SYNC: variants seen among roughly 807,000 people sequenced by gnomAD.
SYNC encodes syncoilin.
SYNC carries 38 observed loss-of-function variants against 49.5 expected under a neutral mutation model. That is an observed-to-expected ratio of 0.77 (90% confidence interval 0.59 to 1.01). SYNC has a LOEUF of 1.01. Among genes scored for constraint, SYNC ranks in the 50% least tolerant of loss-of-function variants. The pLI is 0.00. For missense variants in SYNC, 579 were observed against 580.6 expected, an observed-to-expected ratio of 1.00 and a Z score of 0.03; for synonymous variants, 201 against 230.8, an observed-to-expected ratio of 0.87 and a Z score of 1.17.
chr1:32,690,972 A>T (rs1401072634), intron 2 of SYNC, among the ~76,000 whole-genome samples: 2 of 152,072 alleles, frequency 1.3e-5, no homozygotes, highest in African/African-American at 4.8e-5. Context: ...TAATCCCAGT[A>T]CTTTGGGAGG....
Position 32,684,255 on chromosome 1 carries a change from G to A in SYNC, c.1358+3C>T, listed in dbSNP as rs1241512503. 1 of 1,614,124 alleles carries A rather than the reference G, an allele frequency of 6.2e-7. No homozygotes were observed. Among genetic ancestry groups the A allele is most frequent in the Non-Finnish European group, 8.5e-7 (1 of 1,180,032 alleles). On this transcript the variant is annotated splice_donor_region_variant and intron_variant, in intron 3 of 4. Coordinates refer to ENST00000409190, the MANE Select transcript of SYNC (RefSeq NM_030786.3). ...TGAGATTTGTATAGCAGCAGAAACT[G>A]ACTTATAAGTAGAGAGCTCTTCAGC...
rs1201324283 is a variant in SYNC at position 32,702,680 on chromosome 1, G to A, written c.-20C>T. ...GGCCATGGCTGCGCGACCCCGGGCTGGCGGCCGCGTTATTAATAGCCGGGC... is the reference window on the plus strand; with the variant it reads ...GGCCATGGCTGCGCGACCCCGGGCTAGCGGCCGCGTTATTAATAGCCGGGC... On this transcript the variant is annotated 5_prime_UTR_variant, in exon 1 of 5. Coordinates refer to ENST00000409190, the MANE Select transcript of SYNC (RefSeq NM_030786.3). This position sits in a 1 kb window ranked among gnomAD's most constrained non-coding sequence, Gnocchi z 6.2. 2 of 1,171,452 alleles carry A rather than the reference G, an allele frequency of 1.7e-6. No homozygotes were observed. Among genetic ancestry groups the A allele is most frequent in the Non-Finnish European group, 2.1e-6 (2 of 949,516 alleles). 72.6% of individuals were successfully genotyped at this position (1,171,452 alleles called of 1,614,324 possible).
chr1:32,698,871 C>T (rs1287544661), intron 1 of SYNC, among the ~76,000 whole-genome samples: 1 of 151,580 alleles, frequency 6.6e-6, no homozygotes, highest in Non-Finnish European at 1.5e-5. Flanking sequence ...GCCTCAACCT[C>T]CCCGGCTCAA....
intron 2 of SYNC, among the ~76,000 whole-genome samples, chr1:32,689,179 G>A (rs1389719296): frequency 7.3e-6 from 1 of 137,484 alleles, no homozygotes; most frequent in African/African-American, 2.8e-5. Context: ...GACGTGATCC[G>A]CCCGCCTCGG....
rs148358410 is a variant in SYNC at position 32,702,098 on chromosome 1, C to G, written c.53+510G>C. Among the ~76,000 whole-genome samples, 833 of 152,288 alleles carry G rather than the reference C, an allele frequency of 5.5e-3. 5 individuals are homozygous for G. The highest frequency in any genetic ancestry group is 0.027 in the Middle Eastern group (8 of 294). Reference sequence around the variant, plus strand: ...CCCCCAATAATCAGCCGTGCCCTGCCAGGAGGGATAGTGGGGAGGGCCCCT... The same window carrying G: ...CCCCCAATAATCAGCCGTGCCCTGCGAGGAGGGATAGTGGGGAGGGCCCCT... On this transcript the variant is annotated intron_variant, in intron 1 of 4. Transcript: ENST00000409190. The surrounding 1 kb of genome is among the most constrained non-coding windows in gnomAD (Gnocchi z 6.2).
At chr1:32,688,636 G>T (rs547297911) in intron 2 of SYNC, among the ~76,000 whole-genome samples, 1 of 152,000 alleles carries the variant, frequency 6.6e-6, no homozygotes, top group African/African-American at 2.4e-5. Context: ...AGTCTTTGTC[G>T]CCCAGGCTGG....
rs771171693 is a variant in SYNC at position 32,683,983 on chromosome 1, C to T, written c.1438+27G>A. The T allele has an allele frequency of 8.7e-6, 14 of 1,606,032 alleles. No homozygotes were observed. In the African/African-American group the frequency reaches 1.3e-4, roughly 15 times the overall value. On this transcript the variant is annotated intron_variant, in intron 4 of 4. Coordinates refer to ENST00000409190, the MANE Select transcript of SYNC (RefSeq NM_030786.3). ...GTTAGGAAAGCAGTAACAATGCAAA[C>T]ACCACTCTTCTCTTCACAAAGATCA...
At chr1:32,687,864 T>TTATTATTATTA (rs1557871719) in intron 2 of SYNC, among the ~76,000 whole-genome samples, 123 of 3,758 alleles carry the variant, frequency 0.033, 1 homozygote, top group African/African-American at 0.044. Context: ...TATTATTATT[T>TTATTATTATTA]TTTGAGATGG....
At position 32,702,765 on chromosome 1, in the gene SYNC, G is replaced by T; in HGVS notation, c.-105C>A. 1.0e-6 allele frequency: 1 copy of T among 973,714 alleles called. No homozygotes were observed. Among genetic ancestry groups the T allele is most frequent in the Non-Finnish European group, 1.2e-6 (1 of 802,072 alleles). 60.3% of individuals were successfully genotyped at this position (973,714 alleles called of 1,614,324 possible). A position where few individuals can be genotyped will look rare whatever the true frequency, so the allele number is the denominator to read the frequency against. On this transcript the variant is annotated 5_prime_UTR_variant, in exon 1 of 5. Coordinates refer to ENST00000409190, the MANE Select transcript of SYNC (RefSeq NM_030786.3). The surrounding 1 kb of genome is among the most constrained non-coding windows in gnomAD (Gnocchi z 6.2). ...GCACTGCCAGCTGCAACCGACACCG[G>T]ATCCCGGCCGGCCCCGGGCCGGGCG...
intron 1 of SYNC, among the ~76,000 whole-genome samples, chr1:32,701,915 A>C (rs761294451): frequency 6.6e-6 from 1 of 152,134 alleles, no homozygotes; most frequent in African/African-American, 2.4e-5. Flanking sequence ...GTGTGTGTGT[A>C]AGACCGCTCA....
intron 2 of SYNC, among the ~76,000 whole-genome samples, chr1:32,691,131 T>C (rs1160999820): frequency 4.8e-5 from 7 of 144,916 alleles, no homozygotes; most frequent in South Asian, 2.2e-4. Context: ...GGCAGGAAAA[T>C]CGCTTGAACC....
rs1650407943 is a variant in SYNC at position 32,695,902 on chromosome 1, C to T, written c.196G>A (p.Asp66Asn). 2.6e-6 allele frequency: 4 copies of T among 1,551,856 alleles called. No individual in the cohort carries two copies. Among genetic ancestry groups the T allele is most frequent in the Middle Eastern group, 1.7e-4 (1 of 6,018 alleles). The change falls in exon 2 of 5, where the codon GAC (aspartate) becomes AAC (asparagine). Residue 66 changes from aspartate (D) to asparagine (N), a missense_variant. By Grantham distance (23) the Asp-to-Asn change is conservative. Coordinates refer to ENST00000409190, the MANE Select transcript of SYNC (RefSeq NM_030786.3). ...TGCACATAGAGTGTCTCATCAAGGT[C>T]ACCTGTGTCCTCCAGGTAGAGAATG... ...EDILYLEDTG[D>N]LDETLYVQET...
Position 32,691,191 on chromosome 1 carries a change from C to T in SYNC, c.1233+3674G>A, listed in dbSNP as rs956003992. Among the ~76,000 whole-genome samples the T allele has an allele frequency of 2.8e-5, 4 of 145,230 alleles. No homozygotes were observed. In the Admixed American group the frequency reaches 2.9e-4, roughly 10 times the overall value. On this transcript the variant is annotated intron_variant, in intron 2 of 4. Coordinates refer to ENST00000409190, the MANE Select transcript of SYNC (RefSeq NM_030786.3). ...CCAGATCATGCCACTGCACTCCAGC[C>T]TGGGTGACAGAGCGAGACTCCTTCT...
chr1:32,696,793 C>CT (rs900235484), intron 1 of SYNC, among the ~76,000 whole-genome samples: 2 of 149,382 alleles, frequency 1.3e-5, no homozygotes, highest in Non-Finnish European at 1.5e-5. Context: ...TTCCTTATAA[C>CT]TTTTTTTTTT....
chr1:32,692,559 C>T (rs1293873880), intron 2 of SYNC, among the ~76,000 whole-genome samples: 1 of 152,142 alleles, frequency 6.6e-6, no homozygotes, highest in Non-Finnish European at 1.5e-5. Context: ...CCAGCCTGAC[C>T]AACATGGTGA....
intron 2 of SYNC, among the ~76,000 whole-genome samples, chr1:32,686,560 C>T (rs962113436): frequency 6.6e-6 from 1 of 152,170 alleles, no homozygotes; most frequent in Non-Finnish European, 1.5e-5. Context: ...GTAACAGGTG[C>T]TGTGGAAACA....
At position 32,695,848 on chromosome 1, in the gene SYNC, A is replaced by G; in HGVS notation, c.250T>C (p.Tyr84His). Residue 84 changes from tyrosine (Y) to histidine (H), a missense_variant, in exon 2 of 5, where the codon TAT becomes CAT. Transcript: ENST00000409190. The part of the protein sequence containing the change: ...QETEKAEEAL[Y>H]IEEAMQPDEA... ...TCTGGCTGCATGGCCTCCTCAATAT[A>G]CAGGGCCTCCTCTGCCTTCTCAGTC... 1 of 1,551,778 alleles carries G rather than the reference A, an allele frequency of 6.4e-7. No individual in the cohort carries two copies. The highest frequency in any genetic ancestry group is 2.4e-5 in the East Asian group (1 of 40,888).
At chr1:32,682,523 A>C (rs921189812) in intron 4 of SYNC, 1 of 152,294 alleles carries the variant, frequency 6.6e-6, no homozygotes, top group Non-Finnish European at 1.5e-5. Flanking sequence ...CTGTAATCCC[A>C]GCACTTTGAG....
At position 32,702,644 on chromosome 1, in the gene SYNC, G is replaced by A. The variant is rs1650713299; in HGVS notation, c.17C>T (p.Pro6Leu). Residue 6 changes from proline (P) to leucine (L), a missense_variant, in exon 1 of 5, where the codon CCC becomes CTC. Pro to Leu is a moderately conservative substitution (Grantham distance 98). Transcript: ENST00000409190. This position sits in a 1 kb window ranked among gnomAD's most constrained non-coding sequence, Gnocchi z 6.2. MASPE[P>L]RRGGDGAAQA... is the part of the protein sequence containing the mutation. ...GGCGGCGCCGTCCCCGCCGCGCCGG[G>A]GCTCCGGGCTGGCCATGGCTGCGCG... is the stretch of plus-strand genomic sequence containing the variant. The A allele has an allele frequency of 1.7e-6, 2 of 1,210,296 alleles. No individual in the cohort carries two copies. Among genetic ancestry groups the A allele is most frequent in the Non-Finnish European group, 2.1e-6 (2 of 974,412 alleles). The allele number at this position is 1,210,296 out of a possible 1,614,324, so 75.0% of individuals were successfully genotyped here.
Sources: gnomAD v4.1 joint callset for allele counts (sites outside exome capture counted in the v4.1 genomes callset) on GRCh38, gnomAD v4.1.1 for gene constraint, Gnocchi (gnomAD v3.1) non-coding constraint, MANE v1.5 for transcripts, NCBI Gene and HGNC (gene_info 2026-07-23, HGNC 2026-07-21) for gene names.